Variants in POLN observed in about 807,000 individuals in gnomAD.
The protein encoded by POLN is DNA polymerase N.
POLN carries 108 observed loss-of-function variants against 113.5 expected under a neutral mutation model. The observed-to-expected ratio is 0.95, with a 90% CI of 0.81 to 1.12. The LOEUF is 1.12. Among genes scored for constraint, POLN ranks in the 50% most tolerant of loss-of-function variants. The probability of loss-of-function intolerance (pLI) is 0.00; values close to 1 mark genes in which losing one functional copy is unlikely to be tolerated. For missense variants in POLN, 1,097 were observed against 1,077.1 expected (o/e 1.02, Z -0.26); for synonymous variants, 386 against 391.5 (o/e 0.99, Z 0.17).
At chr4:2,207,133 T>C (rs1733865493) in intron 5 of POLN, among the ~76,000 whole-genome samples, 1 of 152,196 alleles carries the variant, frequency 6.6e-6, no homozygotes, top group Non-Finnish European at 1.5e-5. Flanking sequence ...CTATTCTAAG[T>C]GAAGTAACTC....
chr4:2,074,712 C>T (rs935825065), intron 24 of POLN, among the ~76,000 whole-genome samples: 1 of 152,098 alleles, frequency 6.6e-6, no homozygotes, highest in Non-Finnish European at 1.5e-5. Context: ...CCAGCCCTGA[C>T]GCCCCCGTGC....
At chr4:2,182,733 A>T (rs1304176838) in intron 7 of POLN, among the ~76,000 whole-genome samples, 1 of 152,160 alleles carries the variant, frequency 6.6e-6, no homozygotes, top group African/African-American at 2.4e-5. Context: ...AAAATGAGTA[A>T]ATCTTTCTGA....
At chr4:2,214,888 T>A (rs985396849) in intron 3 of POLN, among the ~76,000 whole-genome samples, 1 of 151,232 alleles carries the variant, frequency 6.6e-6, no homozygotes, top group Non-Finnish European at 1.5e-5. Context: ...CATATACACA[T>A]ACATATACAT....
chr4:2,170,136 C>T (rs979984437), intron 13 of POLN, among the ~76,000 whole-genome samples: 2 of 152,190 alleles, frequency 1.3e-5, no homozygotes, highest in Non-Finnish European at 2.9e-5. Flanking sequence ...CCACAGTAAC[C>T]AATATTCACA....
chr4:2,074,111 C>T (rs1222610457), intron 24 of POLN, among the ~76,000 whole-genome samples: 1 of 152,202 alleles, frequency 6.6e-6, no homozygotes, highest in Non-Finnish European at 1.5e-5. Flanking sequence ...TCTTCTGTGC[C>T]TGGTGGGGTG....
intron 16 of POLN, among the ~76,000 whole-genome samples, chr4:2,152,869 C>A (rs960130424): frequency 3.3e-5 from 5 of 152,156 alleles, no homozygotes; most frequent in Non-Finnish European, 5.9e-5. Flanking sequence ...ACACATTGCT[C>A]AGGGCAGAGA....
At chr4:2,159,327 A>C in intron 13 of POLN, 116 bp from the exon 14 acceptor site, 1 of 855,896 alleles carries the variant, frequency 1.2e-6, no homozygotes. Flanking sequence ...TATTTTCCAA[A>C]ATAAAGATGC....
chr4:2,115,769 G>A (rs1731302421), intron 19 of POLN, among the ~76,000 whole-genome samples: 1 of 152,172 alleles, frequency 6.6e-6, no homozygotes. Context: ...CCCGTAACTG[G>A]GCTGGGTCTG....
In POLN at chr4:2,176,264, G is replaced by A; in HGVS notation, c.1248+2C>T. 6.2e-7 allele frequency: 1 copy of A among 1,601,798 alleles called. No homozygotes were observed. Among genetic ancestry groups the A allele is most frequent in the African/African-American group, 1.3e-5 (1 of 74,548 alleles). ...GCCAGAAATTATAATAAAATGCCTT[G>A]CCTTCAGTTTAGAGCAAAGGTCCAT... On this transcript the variant is annotated splice_donor_variant, in intron 9 of 25. Coordinates refer to ENST00000511885, the MANE Select transcript of POLN (RefSeq NM_181808.4). LOFTEE classifies it low-confidence loss of function (GC_TO_GT_DONOR).
At chr4:2,111,326 GCA>G in intron 19 of POLN, among the ~76,000 whole-genome samples, 1 of 151,600 alleles carries the variant, frequency 6.6e-6, no homozygotes, top group East Asian at 1.9e-4. Flanking sequence ...TTGAAAACTG[GCA>G]CAAGACAGGG....
At chr4:2,084,158 T>C (rs188718624) in intron 21 of POLN, among the ~76,000 whole-genome samples, 1 of 152,370 alleles carries the variant, frequency 6.6e-6, no homozygotes. Flanking sequence ...TAGACTATTC[T>C]CAGGGGTGGC....
chr4:2,142,644 T>C (rs896036636), intron 16 of POLN, among the ~76,000 whole-genome samples: 2 of 151,882 alleles, frequency 1.3e-5, no homozygotes, highest in Non-Finnish European at 2.9e-5. Context: ...AGCCTGGAAA[T>C]GCCAATAACC....
chr4:2,089,892 T>C (rs764576059), intron 20 of POLN: 2 of 1,009,880 alleles, frequency 2.0e-6, no homozygotes, highest in Non-Finnish European at 3.1e-6. Flanking sequence ...ATCTGACTGA[T>C]GGCTGACTTT....
chr4:2,214,739 G>A (rs887994858), intron 3 of POLN, among the ~76,000 whole-genome samples: 2 of 152,074 alleles, frequency 1.3e-5, no homozygotes, highest in Non-Finnish European at 2.9e-5. Context: ...GGAGTTGGGT[G>A]GAGAAAGTGA....
intron 16 of POLN, among the ~76,000 whole-genome samples, chr4:2,153,936 A>G (rs581384): frequency 0.99 from 150,006 of 151,596 alleles, 74,243 homozygotes; most frequent in East Asian, 1. Context: ...GGTGGCTCAT[A>G]CCTGCAATCC....
At chr4:2,114,870 A>T (rs971332216) in intron 19 of POLN, among the ~76,000 whole-genome samples, 1 of 151,796 alleles carries the variant, frequency 6.6e-6, no homozygotes, top group African/African-American at 2.4e-5. Context: ...CCAAATATAC[A>T]TAAGTTAGTC....
intron 21 of POLN, 126 bp downstream of exon 21, chr4:2,085,487 T>C: frequency 8.2e-7 from 1 of 1,226,356 alleles, no homozygotes; most frequent in African/African-American, 1.5e-5. Flanking sequence ...GAGCTGAGGA[T>C]TCACCCAGGC....
At chr4:2,129,138 G>A in intron 18 of POLN, 41 bp downstream of exon 18, 2 of 1,353,092 alleles carry the variant, frequency 1.5e-6, no homozygotes, top group Non-Finnish European at 2.1e-6. Flanking sequence ...CTAAACCTTT[G>A]AACCCTATGA....
chr4:2,228,902 T>A, intron 3 of POLN, 197 bp downstream of exon 3: 1 of 442,756 alleles, frequency 2.3e-6, no homozygotes. Flanking sequence ...AGGAAGAGAG[T>A]GTTACATTTT....
Sources: allele counts gnomAD v4.1 joint callset (sites outside exome capture counted in the v4.1 genomes callset), GRCh38; gene constraint gnomAD v4.1.1; transcripts MANE v1.5; gene names NCBI Gene and HGNC (gene_info 2026-07-23, HGNC 2026-07-21).